Variants in CNTN5 observed in about 807,000 individuals in gnomAD.
CNTN5 encodes the protein contactin 5.
CNTN5 carries 77 observed loss-of-function variants against 129.1 expected under a neutral mutation model. The observed-to-expected ratio is 0.60, with a 90% CI of 0.50 to 0.72. The LOEUF (loss-of-function observed/expected upper bound fraction) is 0.72, where lower values mean the gene tolerates loss of function less well. CNTN5 is among the 30% of genes least tolerant of loss of function. The pLI is 0.00. For missense variants in CNTN5, 1,478 were observed against 1,328.8 expected, an observed-to-expected ratio of 1.11 and a Z score of -1.75; for synonymous variants, 509 against 465.6, an observed-to-expected ratio of 1.09 and a Z score of -1.20.
intron 2 of CNTN5, among the ~76,000 whole-genome samples, chr11:99,354,464 T>C (rs1366151284): frequency 6.6e-6 from 1 of 152,206 alleles, no homozygotes; most frequent in Admixed American, 6.5e-5. Context: ...ATAAGGATTT[T>C]AACACATTTT....
chr11:99,671,545 G>C (rs1396435875), intron 3 of CNTN5, among the ~76,000 whole-genome samples: 2 of 152,030 alleles, frequency 1.3e-5, no homozygotes, highest in Non-Finnish European at 2.9e-5. Flanking sequence ...ATGAAGACAG[G>C]AGTTAATAAA....
chr11:99,191,537 A>G (rs1202407584), intron 1 of CNTN5, among the ~76,000 whole-genome samples: 1 of 151,810 alleles, frequency 6.6e-6, no homozygotes, highest in Non-Finnish European at 1.5e-5. Flanking sequence ...GTGCGCACAG[A>G]ACATTCTCCA....
intron 3 of CNTN5, among the ~76,000 whole-genome samples, chr11:99,611,242 A>G (rs1342689050): frequency 3.3e-5 from 5 of 152,172 alleles, no homozygotes; most frequent in Admixed American, 3.3e-4. Context: ...CATAATAACT[A>G]CATCAAAAGA....
intron 6 of CNTN5, among the ~76,000 whole-genome samples, chr11:99,866,407 T>C (rs767437410): frequency 5.9e-5 from 9 of 152,180 alleles, no homozygotes; most frequent in African/African-American, 2.2e-4. Flanking sequence ...TATTAGATAC[T>C]TATATATTTT....
chr11:99,787,629 TG>T (rs971746615), intron 3 of CNTN5, among the ~76,000 whole-genome samples: 1 of 151,802 alleles, frequency 6.6e-6, no homozygotes, highest in African/African-American at 2.4e-5. Flanking sequence ...AGAACAGAAA[TG>T]GTTTACAATT....
rs557928311 is a variant in CNTN5 at position 99,758,388 on chromosome 11, T to C, written c.56-61156T>C. On this transcript the variant is annotated intron_variant, in intron 3 of 24. Transcript: ENST00000524871. ...TTATACTTTATTTGTCAGACCAGAC[T>C]AACGTATAACATATAAAGCATTATT... Among the ~76,000 whole-genome samples the C allele has an allele frequency of 3.0e-4, 46 of 152,234 alleles. No homozygotes were observed. In the South Asian group the frequency reaches 8.7e-3, roughly 29 times the overall value.
chr11:99,263,973 T>A (rs1862764807), intron 1 of CNTN5, among the ~76,000 whole-genome samples: 1 of 152,130 alleles, frequency 6.6e-6, no homozygotes, highest in South Asian at 2.1e-4. Context: ...TATTTATCAT[T>A]TACTTTATAT....
At chr11:99,169,653 C>T (rs564152815) in intron 1 of CNTN5, among the ~76,000 whole-genome samples, 31 of 151,888 alleles carry the variant, frequency 2.0e-4, no homozygotes, top group African/African-American at 3.9e-4. Context: ...TGGCCCAAGA[C>T]GAGACAGTAG....
chr11:99,171,914 C>A (rs540619796), intron 1 of CNTN5, among the ~76,000 whole-genome samples: 2 of 152,200 alleles, frequency 1.3e-5, no homozygotes, highest in Admixed American at 6.5e-5. Context: ...CATTCAGGAG[C>A]AACGGAAAGT....
At chr11:100,242,903 A>G (rs1232431948) in intron 16 of CNTN5, among the ~76,000 whole-genome samples, 1 of 152,224 alleles carries the variant, frequency 6.6e-6, no homozygotes, top group Non-Finnish European at 1.5e-5. Flanking sequence ...ATAAACAATA[A>G]TCATAGGCAT....
chr11:99,984,401 A>C (rs1938542772), intron 8 of CNTN5, among the ~76,000 whole-genome samples: 1 of 152,094 alleles, frequency 6.6e-6, no homozygotes, highest in African/African-American at 2.4e-5. Flanking sequence ...AAAGAAAAGA[A>C]AGAGAAACCA....
At chr11:99,889,634 C>T (rs1050590031) in intron 6 of CNTN5, among the ~76,000 whole-genome samples, 1 of 149,488 alleles carries the variant, frequency 6.7e-6, no homozygotes, top group Non-Finnish European at 1.5e-5. Context: ...CTCCTGGGTT[C>T]GAGCGATTCT....
chr11:100,237,619 G>C (rs747189610), intron 16 of CNTN5, among the ~76,000 whole-genome samples: 9 of 152,088 alleles, frequency 5.9e-5, no homozygotes, highest in Admixed American at 2.0e-4. Context: ...GCTCTCTAAT[G>C]AGTTACAGCA....
At chr11:99,021,337 T>C (rs1157566829) in intron 1 of CNTN5, 67 bp downstream of exon 1, 5 of 152,188 alleles carry the variant, frequency 3.3e-5, no homozygotes, top group African/African-American at 1.2e-4. Context: ...TCCCAGCCAC[T>C]TAGGATTTTT....
At chr11:99,224,005 T>C (rs1216651415) in intron 1 of CNTN5, among the ~76,000 whole-genome samples, 1 of 151,938 alleles carries the variant, frequency 6.6e-6, no homozygotes, top group Non-Finnish European at 1.5e-5. Flanking sequence ...TAATTCCAAA[T>C]AGAGAAAAAG....
At chr11:99,975,303 C>A (rs528361268) in intron 8 of CNTN5, among the ~76,000 whole-genome samples, 2 of 152,282 alleles carry the variant, frequency 1.3e-5, no homozygotes, top group Non-Finnish European at 2.9e-5. Flanking sequence ...GTTTTAATGA[C>A]TGCCTGGCTC....
chr11:100,175,327 T>C (rs567011371), intron 13 of CNTN5, among the ~76,000 whole-genome samples: 1 of 152,092 alleles, frequency 6.6e-6, no homozygotes, highest in Admixed American at 6.6e-5. Context: ...TAGGTCTTTG[T>C]AAGTGTTAAG....
intron 13 of CNTN5, among the ~76,000 whole-genome samples, chr11:100,133,555 T>A (rs1946437798): frequency 6.6e-6 from 1 of 152,106 alleles, no homozygotes; most frequent in Non-Finnish European, 1.5e-5. Flanking sequence ...TGGGAATGTA[T>A]TTATAAGGGC....
At chr11:100,104,667 C>CTGTTTTCCTTTGAGGAAAATAGCAAG (rs1462897665) in intron 13 of CNTN5, among the ~76,000 whole-genome samples, 2 of 152,118 alleles carry the variant, frequency 1.3e-5, no homozygotes, top group African/African-American at 2.4e-5. Flanking sequence ...GGTAAACATA[C>CTGTTTTCCTTTGAGGAAAATAGCAAG]TGTTTTCCTT....
Sources: gnomAD v4.1 joint callset for allele counts (sites outside exome capture counted in the v4.1 genomes callset) on GRCh38, gnomAD v4.1.1 for gene constraint, MANE v1.5 for transcripts, NCBI Gene and HGNC (gene_info 2026-07-23, HGNC 2026-07-21) for gene names.